ZNF518A: variants seen among roughly 807,000 people sequenced by gnomAD.
ZNF518A encodes the protein zinc finger protein 518A.
In ZNF518A, 47 loss-of-function variants were observed where a neutral mutation model predicts 102.7. That is an observed-to-expected ratio of 0.46 (90% confidence interval 0.36 to 0.58). The LOEUF is 0.58. ZNF518A is among the 20% of genes least tolerant of loss of function. ZNF518A has a pLI of 0.00. For synonymous variants in ZNF518A, 652 were observed against 594.6 expected, an observed-to-expected ratio of 1.10 and a Z score of -1.40; for missense variants, 1,793 against 1,699.8, an observed-to-expected ratio of 1.05 and a Z score of -0.96.
intron 3 of ZNF518A, among the ~76,000 whole-genome samples, chr10:96,143,108 G>A (rs2082017768): frequency 2.6e-5 from 4 of 152,066 alleles, no homozygotes; most frequent in Admixed American, 2.6e-4. Flanking sequence ...GCTCCCAGCC[G>A]TGATTTCTGA....
At position 96,156,564 on chromosome 10, in the gene ZNF518A, C is replaced by T; in HGVS notation, c.242C>T (p.Ala81Val). 1.2e-6 allele frequency: 2 copies of T among 1,613,032 alleles called. No homozygotes were observed. The highest frequency in any genetic ancestry group is 1.7e-6 in the Non-Finnish European group (2 of 1,179,548). The change falls in exon 6 of 6, where the codon GCA becomes GTA. Residue 81 changes from alanine to valine, a missense_variant. Ala to Val is a moderately conservative substitution (Grantham distance 64, BLOSUM62 0). This residue lies in a region of ZNF518A where 1,741 missense variants were observed against 1,622.6 expected (regional missense o/e 1.07). Transcript: ENST00000316045. Reference sequence around the variant, plus strand: ...TTATTTCAGAGTAAACAGCAGACTGCAAGAAAATCTATCAGTATAAAGACT... The same window carrying T: ...TTATTTCAGAGTAAACAGCAGACTGTAAGAAAATCTATCAGTATAAAGACT... ...RKLFQSKQQT[A>V]RKSISIKTVS...
In ZNF518A at chr10:96,156,660, C is replaced by T; in HGVS notation, c.338C>T (p.Ser113Phe). The T allele has an allele frequency of 6.2e-7, 1 of 1,613,806 alleles. No homozygotes were observed. Among genetic ancestry groups the T allele is most frequent in the East Asian group, 2.2e-5 (1 of 44,866 alleles). The change falls in exon 6 of 6, where the codon TCT becomes TTT. Residue 113 changes from serine to phenylalanine, a missense_variant. Ser to Phe is a radical substitution (Grantham distance 155). Transcript: ENST00000316045. ...ERAEEEGVKM[S>F]AKILNFSCLK... is the part of the protein sequence containing the mutation. ...GCTGAAGAAGAGGGTGTAAAAATGT[C>T]TGCAAAAATACTCAATTTCAGCTGT...
In ZNF518A at chr10:96,160,040, A is replaced by G; in HGVS notation, c.3718A>G (p.Arg1240Gly). 2 of 1,610,814 alleles carry G rather than the reference A, an allele frequency of 1.2e-6. No individual in the cohort carries two copies. The highest frequency in any genetic ancestry group is 8.5e-7 in the Non-Finnish European group (1 of 1,179,052). Reference sequence around the variant, plus strand: ...GGTATTAAGGTGTAAAACAAATTGTAGAATTGAGAGGAACTTCAATAGAAA... The same window carrying G: ...GGTATTAAGGTGTAAAACAAATTGTGGAATTGAGAGGAACTTCAATAGAAA... ...SRVLRCKTNC[R>G]IERNFNRKKT... Residue 1240 changes from arginine (R) to glycine (G), a missense_variant, in exon 6 of 6, where the codon AGA becomes GGA. Around this residue, in one of 3 missense-constraint regions of ZNF518A, gnomAD observed 1,741 missense variants for 1,622.6 expected, o/e 1.07. Coordinates refer to ENST00000316045, the MANE Select transcript of ZNF518A (RefSeq NM_001330736.2).
chr10:96,180,101 A>G (rs1215074566), intron 1 of ZNF518A, among the ~76,000 whole-genome samples: 17 of 150,964 alleles, frequency 1.1e-4, no homozygotes, highest in Non-Finnish European at 1.5e-5. Context: ...GTTGATCTCA[A>G]ACTCCTGACC....
At chr10:96,191,192 T>C (rs2083322784) in intron 1 of ZNF518A, among the ~76,000 whole-genome samples, 1 of 151,714 alleles carries the variant, frequency 6.6e-6, no homozygotes. Flanking sequence ...GCCATGATTG[T>C]GAGGCCTCCC....
intron 1 of ZNF518A, among the ~76,000 whole-genome samples, chr10:96,188,624 A>C (rs2083286450): frequency 6.6e-6 from 1 of 152,194 alleles, no homozygotes; most frequent in Non-Finnish European, 1.5e-5. Context: ...TGCTTTACCA[A>C]AAAATTACCC....
In ZNF518A at chr10:96,158,802, T is replaced by C. The variant is rs782266303; in HGVS notation, c.2480T>C (p.Val827Ala). The C allele has an allele frequency of 6.2e-7, 1 of 1,613,748 alleles. No homozygotes were observed. Among genetic ancestry groups the C allele is most frequent in the South Asian group, 1.1e-5 (1 of 91,064 alleles). ...FQKHEREGKI[V>A]ESSKDFKVQG... ...AAACACGAGAGAGAAGGCAAAATTG[T>C]TGAATCTTCGAAAGATTTCAAAGTG... The change falls in exon 6 of 6, where the codon GTT becomes GCT. Residue 827 changes from valine (V) to alanine (A), a missense_variant. By Grantham distance (64) the Val-to-Ala change is moderately conservative. Coordinates refer to ENST00000316045, the MANE Select transcript of ZNF518A (RefSeq NM_001330736.2).
intron 5 of ZNF518A, 23 bp from the exon 6 acceptor site, chr10:96,156,174 T>G: frequency 9.2e-6 from 6 of 652,874 alleles, no homozygotes; most frequent in Non-Finnish European, 1.4e-5. Context: ...TGATGAGAAT[T>G]TCAATTCTTT....
At chr10:96,140,404 A>T (rs782717687) in intron 3 of ZNF518A, among the ~76,000 whole-genome samples, 13 of 152,320 alleles carry the variant, frequency 8.5e-5, no homozygotes, top group Middle Eastern at 3.4e-3. Flanking sequence ...AATGGATCAC[A>T]TGATAACATG....
intron 1 of ZNF518A, among the ~76,000 whole-genome samples, chr10:96,186,630 T>G (rs587724081): frequency 2.6e-5 from 4 of 152,304 alleles, no homozygotes; most frequent in Non-Finnish European, 5.9e-5. Flanking sequence ...TCTCTTGACC[T>G]CATGATTCGC....
chr10:96,197,416 C>G lies in ZNF518A; in HGVS notation n.36-6158C>G, dbSNP rs940551166. ...AACTCCTGAGTTCAAGCGATCCTCC[C>G]ACCTCAGCCTCCTGAGTACCTGGGA... On this transcript the variant is annotated intron_variant and non_coding_transcript_variant, in intron 1 of 2. Transcript: ENST00000442635. Among the ~76,000 whole-genome samples, 12 of 152,252 alleles carry G rather than the reference C, an allele frequency of 7.9e-5. No homozygotes were observed. The South Asian group carries it at 2.5e-3, about 32-fold the overall frequency.
chr10:96,150,840 C>T (rs1554880195), intron 3 of ZNF518A, among the ~76,000 whole-genome samples: 1 of 146,398 alleles, frequency 6.8e-6, no homozygotes, highest in Non-Finnish European at 1.5e-5. Flanking sequence ...TCCACCTCCA[C>T]ATCCCAGGTT....
chr10:96,139,686 C>T (rs782041468), intron 3 of ZNF518A, among the ~76,000 whole-genome samples: 15 of 152,100 alleles, frequency 9.9e-5, no homozygotes, highest in Non-Finnish European at 2.2e-4. Context: ...TTAAGAAGAA[C>T]ATTTGCTCCT....
chr10:96,170,970 G>A (rs1393708545), intron 1 of ZNF518A, among the ~76,000 whole-genome samples: 6 of 151,604 alleles, frequency 4.0e-5, no homozygotes, highest in Admixed American at 2.6e-4. Context: ...GAAAAGATGC[G>A]CAACATCATT....
intron 1 of ZNF518A, chr10:96,192,160 ATCTTC>A: frequency 6.3e-7 from 1 of 1,587,856 alleles, no homozygotes; most frequent in Non-Finnish European, 8.6e-7. Context: ...CACTCCTCCC[ATCTTC>A]TCTCATTCTC....
At position 96,156,330 on chromosome 10, in the gene ZNF518A, CT is replaced by C; in HGVS notation, c.9del (p.Glu4AsnfsTer14). ...GACTTTTTTGGTTAAATCATGCCAT[CT>C]GAACAGAAACAGTTATTTTGTGATG... MP[S>X]EQKQLFCDEK... On this transcript the variant is annotated frameshift_variant, in exon 6 of 6. Coordinates refer to ENST00000316045, the MANE Select transcript of ZNF518A (RefSeq NM_001330736.2). LOFTEE classifies it high-confidence loss of function. 6.4e-7 allele frequency: 1 copy of C among 1,565,178 alleles called. No homozygotes were observed. Among genetic ancestry groups the C allele is most frequent in the South Asian group, 1.2e-5 (1 of 82,090 alleles).
chr10:96,149,122 A>G (rs1401881061), intron 3 of ZNF518A, among the ~76,000 whole-genome samples: 1 of 152,214 alleles, frequency 6.6e-6, no homozygotes, highest in Non-Finnish European at 1.5e-5. Flanking sequence ...CATACAAAAC[A>G]TAAGTACATG....
chr10:96,156,667 A>G lies in ZNF518A; in HGVS notation c.345A>G (p.Lys115=), dbSNP rs782000076. Residue 115 remains lysine, a synonymous_variant, in exon 6 of 6, where the codon AAA becomes AAG. Transcript: ENST00000316045. The part of the protein sequence containing the change: ...AEEEGVKMSA[K]ILNFSCLKCR... The stretch of plus-strand genomic sequence containing the variant: ...AAGAGGGTGTAAAAATGTCTGCAAA[A>G]ATACTCAATTTCAGCTGTTTAAAAT... 1 of 1,613,838 alleles carries G rather than the reference A, an allele frequency of 6.2e-7. No homozygotes were observed. The highest frequency in any genetic ancestry group is 1.1e-5 in the South Asian group (1 of 91,076).
At chr10:96,190,126 T>C in intron 1 of ZNF518A, 2 of 997,034 alleles carry the variant, frequency 2.0e-6, no homozygotes, top group Non-Finnish European at 3.2e-6. Flanking sequence ...ATTATCCACC[T>C]TAAAGTGATC....
Sources: gnomAD v4.1 joint callset for allele counts (sites outside exome capture counted in the v4.1 genomes callset) on GRCh38, gnomAD v4.1.1 for gene constraint, gnomAD v4.1.1 regional missense constraint, MANE v1.5 for transcripts, NCBI Gene and HGNC (gene_info 2026-07-23, HGNC 2026-07-21) for gene names.